The following ABCA13 variants were observed in gnomAD, a reference collection of about 807,000 sequenced individuals.
ABCA13 encodes the protein ATP binding cassette subfamily A member 13.
Under a neutral mutation model 478.7 loss-of-function variants are expected in ABCA13, and 476 were observed. The ratio of observed to expected loss-of-function variants is 0.99; its 90% CI spans 0.92 to 1.07. ABCA13 has a LOEUF of 1.07. Ranked by LOEUF, ABCA13 falls within the 50% of genes least tolerant of loss-of-function variation. The pLI, the probability that ABCA13 is intolerant of heterozygous loss-of-function variation, is 0.00. For synonymous variants in ABCA13, 2,252 were observed against 2,158.9 expected (o/e 1.04, Z -1.20); for missense variants, 6,060 against 5,910.6 (o/e 1.03, Z -0.83).
At chr7:48,441,986 A>T (rs1408773728) in intron 42 of ABCA13, among the ~76,000 whole-genome samples, 4 of 152,238 alleles carry the variant, frequency 2.6e-5, no homozygotes, top group African/African-American at 7.2e-5. Flanking sequence ...AGCACAGAGT[A>T]AATAACTGCT....
At chr7:48,285,724 C>T (rs2128796119) in intron 19 of ABCA13, among the ~76,000 whole-genome samples, 1 of 152,324 alleles carries the variant, frequency 6.6e-6, no homozygotes, top group South Asian at 2.1e-4. Context: ...TAGGTTTGAA[C>T]AACATAACTT....
intron 59 of ABCA13, among the ~76,000 whole-genome samples, chr7:48,625,825 A>C (rs1165392183): frequency 6.6e-6 from 1 of 152,164 alleles, no homozygotes; most frequent in Non-Finnish European, 1.5e-5. Flanking sequence ...TTTCACTCAC[A>C]ATGAAGATGG....
At chr7:48,417,196 G>T (rs1343954325) in intron 41 of ABCA13, among the ~76,000 whole-genome samples, 5 of 152,108 alleles carry the variant, frequency 3.3e-5, no homozygotes, top group Non-Finnish European at 7.4e-5. Context: ...GCAATTACTG[G>T]GTCCAGGGGA....
At chr7:48,325,465 A>G (rs1169399121) in intron 27 of ABCA13, among the ~76,000 whole-genome samples, 2 of 151,962 alleles carry the variant, frequency 1.3e-5, no homozygotes, top group South Asian at 2.1e-4. Flanking sequence ...TTTCTTTTTC[A>G]AAAAATATCA....
At chr7:48,519,244 A>AAC (rs1481251808) in intron 52 of ABCA13, among the ~76,000 whole-genome samples, 1 of 152,180 alleles carries the variant, frequency 6.6e-6, no homozygotes, top group Non-Finnish European at 1.5e-5. Flanking sequence ...TGCTATTGTG[A>AAC]ATAGTGCTGC....
chr7:48,273,142 A>G lies in ABCA13; in HGVS notation c.3476A>G (p.Glu1159Gly), dbSNP rs1459162617. 1.9e-6 allele frequency: 3 copies of G among 1,613,714 alleles called. No homozygotes were observed. Among genetic ancestry groups the G allele is most frequent in the Admixed American group, 3.3e-5 (2 of 59,994 alleles). The change falls in exon 17 of 62, where the codon GAA becomes GGA. Residue 1159 changes from glutamate to glycine, a missense_variant. Coordinates refer to ENST00000435803, the MANE Select transcript of ABCA13 (RefSeq NM_152701.5). ...CTTCAAATGTGGACTGAAATCTGGG[A>G]AACCATATCTCAATTATTTAAGTTT... is the stretch of plus-strand genomic sequence containing the variant. ...SWLQMWTEIWETISQLFKFDM... is the reference protein window; with the variant it reads ...SWLQMWTEIWGTISQLFKFDM...
At chr7:48,294,456 T>C (rs1799075289) in intron 20 of ABCA13, among the ~76,000 whole-genome samples, 2 of 148,536 alleles carry the variant, frequency 1.3e-5, no homozygotes, top group Admixed American at 1.3e-4. Context: ...TGTTTTTTTT[T>C]TGAGACGGAG....
intron 48 of ABCA13, among the ~76,000 whole-genome samples, chr7:48,501,125 C>T (rs537692278): frequency 1.3e-5 from 2 of 152,092 alleles, no homozygotes; most frequent in South Asian, 4.1e-4. Context: ...CTGACAGGGG[C>T]AGGCTGTTGT....
In ABCA13 at chr7:48,298,392, A is replaced by G. The variant is rs1475678391; in HGVS notation, c.9226A>G (p.Asn3076Asp). ...EDVKIKDLMK[N>D]ITKLTEELRS... ...TGTAAAAATAAAAGATTTGATGAAG[A>G]ATATCACCAAGTTGACTGAGGAGCT... Residue 3076 changes from asparagine (N) to aspartate (D), a missense_variant, in exon 23 of 62, where the codon AAT becomes GAT. Asn to Asp is a conservative substitution (Grantham distance 23, BLOSUM62 1). Coordinates refer to ENST00000435803, the MANE Select transcript of ABCA13 (RefSeq NM_152701.5). The G allele has an allele frequency of 6.8e-6, 11 of 1,611,242 alleles. No individual in the cohort carries two copies. The highest frequency in any genetic ancestry group is 9.3e-6 in the Non-Finnish European group (11 of 1,178,454).
intron 55 of ABCA13, among the ~76,000 whole-genome samples, chr7:48,547,050 A>G (rs1563420430): frequency 6.6e-6 from 1 of 151,912 alleles, no homozygotes; most frequent in Non-Finnish European, 1.5e-5. Flanking sequence ...ATTCTTGCAG[A>G]CACCAGTTTA....
chr7:48,244,427 C>T (rs1791356020), intron 10 of ABCA13, 149 bp from the exon 11 acceptor site: 4 of 942,102 alleles, frequency 4.2e-6, no homozygotes, highest in Admixed American at 2.8e-5. Context: ...TTGTCAAGAA[C>T]CTGGTTGTGT....
chr7:48,416,160 G>A (rs1306357815), intron 41 of ABCA13, among the ~76,000 whole-genome samples: 1 of 152,102 alleles, frequency 6.6e-6, no homozygotes, highest in East Asian at 1.9e-4. Flanking sequence ...TCCTTTATAA[G>A]TGTTATTTTA....
intron 58 of ABCA13, among the ~76,000 whole-genome samples, chr7:48,610,544 G>A (rs1791927712): frequency 6.6e-6 from 1 of 152,240 alleles, no homozygotes; most frequent in African/African-American, 2.4e-5. Flanking sequence ...CTGCCCCAGT[G>A]GGGACTCTGT....
chr7:48,335,652 T>C (rs895140007), intron 28 of ABCA13, 117 bp downstream of exon 28: 1 of 628,604 alleles, frequency 1.6e-6, no homozygotes, highest in Non-Finnish European at 2.6e-6. Flanking sequence ...GTGGTTCTAG[T>C]TGACTCATAT....
At chr7:48,496,382 CTT>C (rs140102233) in intron 48 of ABCA13, among the ~76,000 whole-genome samples, 1 of 151,934 alleles carries the variant, frequency 6.6e-6, no homozygotes, top group African/African-American at 2.4e-5. Context: ...CCCTGTTTAC[CTT>C]TAAAATATTA....
rs142694585 is a variant in ABCA13, at chr7:48,279,961, G to A, written c.8726+41G>A. The A allele has an allele frequency of 6.3e-4, 935 of 1,481,138 alleles. 7 individuals carry two copies. In the African/African-American group the frequency reaches 0.012, roughly 19 times the overall value. The allele number at this position is 1,481,138 out of a possible 1,614,324, so 91.7% of individuals were successfully genotyped here. ...AATTCACTTTGTTTTTTTCTCTACCGCAGTAGCTATAAAATAGAACCATGC... is the reference window on the plus strand; with the variant it reads ...AATTCACTTTGTTTTTTTCTCTACCACAGTAGCTATAAAATAGAACCATGC... On this transcript the variant is annotated intron_variant, in intron 18 of 61. Coordinates refer to ENST00000435803, the MANE Select transcript of ABCA13 (RefSeq NM_152701.5).
intron 4 of ABCA13, among the ~76,000 whole-genome samples, chr7:48,219,806 C>T (rs1787080167): frequency 6.6e-6 from 1 of 151,778 alleles, no homozygotes; most frequent in Non-Finnish European, 1.5e-5. Context: ...CTGCCTACTC[C>T]TTTACACTCT....
intron 31 of ABCA13, among the ~76,000 whole-genome samples, chr7:48,363,925 T>A (rs1226077999): frequency 6.6e-6 from 1 of 152,230 alleles, no homozygotes; most frequent in Non-Finnish European, 1.5e-5. Flanking sequence ...TTCACTATTA[T>A]CATCTGTTCA....
intron 47 of ABCA13, among the ~76,000 whole-genome samples, chr7:48,488,332 G>A (rs571404501): frequency 1.4e-4 from 21 of 151,422 alleles, no homozygotes; most frequent in Admixed American, 9.2e-4. Context: ...ACAAGTCTCT[G>A]GTTAAAAAAT....
Sources: gnomAD v4.1 joint callset for allele counts (sites outside exome capture counted in the v4.1 genomes callset) on GRCh38, gnomAD v4.1.1 for gene constraint, MANE v1.5 for transcripts, NCBI Gene and HGNC (gene_info 2026-07-23, HGNC 2026-07-21) for gene names.